Variants in ZBTB46 observed in about 807,000 individuals in gnomAD.
ZBTB46 encodes the protein zinc finger and BTB domain-containing protein 46.
In ZBTB46, 8 loss-of-function variants were observed where a neutral mutation model predicts 44.1. The observed-to-expected ratio is 0.18, with a 90% confidence interval of 0.11 to 0.33. The LOEUF is 0.33. ZBTB46 is among the 10% of genes least tolerant of loss of function. ZBTB46 has a pLI of 1.00. For missense variants in ZBTB46, 651 were observed against 847.7 expected, an observed-to-expected ratio of 0.77 and a Z score of 2.88; for synonymous variants, 409 against 382.3, an observed-to-expected ratio of 1.07 and a Z score of -0.81.
intron 1 of ZBTB46, among the ~76,000 whole-genome samples, chr20:63,791,420 C>T (rs1275612473): frequency 8.0e-5 from 11 of 136,672 alleles, no homozygotes; most frequent in African/African-American, 1.9e-4. Context: ...GGCGTGAACC[C>T]GGGAGGCGGA....
chr20:63,826,999 G>A (rs2092822933), intron 1 of ZBTB46, among the ~76,000 whole-genome samples: 1 of 152,144 alleles, frequency 6.6e-6, no homozygotes, highest in African/African-American at 2.4e-5. Flanking sequence ...CGTGCGGGTG[G>A]ATCTCCGAGT....
chr20:63,757,263 C>T (rs2092229012), intron 3 of ZBTB46, among the ~76,000 whole-genome samples: 1 of 152,170 alleles, frequency 6.6e-6, no homozygotes, highest in South Asian at 2.1e-4. Flanking sequence ...GCTGGGATTA[C>T]AGGCACTCAT....
At position 63,747,072 on chromosome 20, in the gene ZBTB46, C is replaced by G; in HGVS notation, c.1628G>C (p.Gly543Ala). 6.2e-7 allele frequency: 1 copy of G among 1,609,046 alleles called. No individual in the cohort carries two copies. The stretch of plus-strand genomic sequence containing the variant: ...GTCCTCGCCCAGCTCCTCCGCCTCC[C>G]CTCGTGGGTCCTCAGGGTCCTCCAG... ...PYLEDPEDPRGEAEELGEDDE... is the reference protein window; with the variant it reads ...PYLEDPEDPRAEAEELGEDDE... Residue 543 changes from glycine to alanine, a missense_variant, in exon 5 of 5, where the codon GGG becomes GCG. Transcript: ENST00000245663.
At chr20:63,793,288 G>A (rs1232796559) in intron 1 of ZBTB46, among the ~76,000 whole-genome samples, 1 of 152,156 alleles carries the variant, frequency 6.6e-6, no homozygotes, top group Non-Finnish European at 1.5e-5. Context: ...TGGGGAGGGG[G>A]TCATGTGCTG....
chr20:63,782,951 C>A (rs925212956), intron 2 of ZBTB46, among the ~76,000 whole-genome samples: 1 of 152,178 alleles, frequency 6.6e-6, no homozygotes, highest in Non-Finnish European at 1.5e-5. Context: ...ATAGTGAGAT[C>A]TACATCTCTA....
rs112934991 is a variant in ZBTB46, at chr20:63,827,024, C to T, written c.-34+4073G>A. ...GATCTCCGAGTGGACTCCCTTCCCT[C>T]GAGTCACCTTTGGGCTCCGGTGCCA... On this transcript the variant is annotated intron_variant, in intron 1 of 4. Coordinates refer to ENST00000245663, the MANE Select transcript of ZBTB46 (RefSeq NM_001369741.1). 7.3e-3 allele frequency among the ~76,000 whole-genome samples: 1,115 copies of T among 152,214 alleles called. 18 individuals are homozygous for T. The highest frequency in any genetic ancestry group is 0.025 in the African/African-American group (1,058 of 41,526).
chr20:63,825,545 T>C (rs953606303), intron 1 of ZBTB46, among the ~76,000 whole-genome samples: 3 of 151,868 alleles, frequency 2.0e-5, no homozygotes, highest in African/African-American at 7.3e-5. Flanking sequence ...TCTGGTTCTA[T>C]CCCTGCACTT....
At position 63,767,787 on chromosome 20, in the gene ZBTB46, C is replaced by T; in HGVS notation, c.1222+7891G>A. 1.0e-5 allele frequency: 8 copies of T among 795,548 alleles called. No individual in the cohort carries two copies. Among genetic ancestry groups the T allele is most frequent in the Non-Finnish European group, 1.2e-5 (8 of 656,298 alleles). 49.3% of individuals were successfully genotyped at this position (795,548 alleles called of 1,614,324 possible). ...GAGCTCCAGGCGAGGCCAAGCCGTC[C>T]TGGCACTGGCTGCCCCCAGGGCTGG... On this transcript the variant is annotated intron_variant, in intron 3 of 4. Transcript: ENST00000245663. This position sits in a 1 kb window ranked among gnomAD's most constrained non-coding sequence, Gnocchi z 5.0.
At chr20:63,780,656 G>A (rs1245504997) in intron 2 of ZBTB46, among the ~76,000 whole-genome samples, 1 of 151,140 alleles carries the variant, frequency 6.6e-6, no homozygotes, top group African/African-American at 2.4e-5. Context: ...CAAAAAATGA[G>A]CCGGGCGTGG....
intron 2 of ZBTB46, among the ~76,000 whole-genome samples, chr20:63,781,549 A>G: frequency 6.6e-6 from 1 of 152,214 alleles, no homozygotes; most frequent in Non-Finnish European, 1.5e-5. Context: ...CCAGCACTGT[A>G]GGAGGCCGAG....
chr20:63,793,055 T>C (rs1402539363), intron 1 of ZBTB46, among the ~76,000 whole-genome samples: 1 of 152,058 alleles, frequency 6.6e-6, no homozygotes, highest in East Asian at 1.9e-4. Context: ...ACGAGGGCTG[T>C]GACGGCGGTG....
intron 2 of ZBTB46, among the ~76,000 whole-genome samples, chr20:63,776,193 A>G (rs921281123): frequency 6.6e-6 from 1 of 152,176 alleles, no homozygotes; most frequent in Non-Finnish European, 1.5e-5. Flanking sequence ...GTCTCAGCCA[A>G]GGCTTTGGAG....
At chr20:63,779,140 G>A (rs999764691) in intron 2 of ZBTB46, among the ~76,000 whole-genome samples, 5 of 152,176 alleles carry the variant, frequency 3.3e-5, no homozygotes, top group South Asian at 2.1e-4. Flanking sequence ...GCAGCCACAC[G>A]GGGGCTGGGG....
At chr20:63,814,317 C>G (rs941883397) in intron 1 of ZBTB46, among the ~76,000 whole-genome samples, 11 of 151,870 alleles carry the variant, frequency 7.2e-5, no homozygotes, top group Non-Finnish European at 1.3e-4. Flanking sequence ...AAGACAAGAG[C>G]AGAGCACTGG....
rs769126075 is a variant in ZBTB46 at position 63,790,171 on chromosome 20, T to C, written c.587A>G (p.Tyr196Cys). Residue 196 changes from tyrosine to cysteine, a missense_variant, in exon 2 of 5, where the codon TAC (tyrosine) becomes TGC (cysteine). Around this residue, in one of 5 missense-constraint regions of ZBTB46, gnomAD observed 385 missense variants for 423.3 expected, o/e 0.91. Coordinates refer to ENST00000245663, the MANE Select transcript of ZBTB46 (RefSeq NM_001369741.1). ...CTTGGGCTCCTGATCCTCTTTCCCG[T>C]AGCTGCTCCCTCCGTCGTGACAGCT... is the stretch of plus-strand genomic sequence containing the variant. ...IASCHDGGSS[Y>C]GKEDQEPKAD... 1 of 1,613,784 alleles carries C rather than the reference T, an allele frequency of 6.2e-7. No individual in the cohort carries two copies. The highest frequency in any genetic ancestry group is 8.5e-7 in the Non-Finnish European group (1 of 1,179,998).
chr20:63,806,395 G>A (rs1470908025), intron 1 of ZBTB46, among the ~76,000 whole-genome samples: 2 of 124,240 alleles, frequency 1.6e-5, no homozygotes, highest in Admixed American at 9.3e-5. Context: ...CAACAACAGT[G>A]AAACTCCATC....
intron 1 of ZBTB46, among the ~76,000 whole-genome samples, chr20:63,808,439 G>C (rs1284106202): frequency 2.6e-5 from 4 of 152,154 alleles, no homozygotes; most frequent in African/African-American, 9.7e-5. Context: ...TCACGGACAG[G>C]GTCATCCGGA....
At chr20:63,807,622 G>A (rs991511983) in intron 1 of ZBTB46, among the ~76,000 whole-genome samples, 1 of 152,248 alleles carries the variant, frequency 6.6e-6, no homozygotes, top group Non-Finnish European at 1.5e-5. Context: ...TGGGACTACA[G>A]GTGTGAGCCA....
In ZBTB46 at chr20:63,745,760, G is replaced by A. The variant is rs551948822; in HGVS notation, c.*1170C>T. 19 of 152,418 alleles carry A rather than the reference G, an allele frequency of 1.2e-4. No individual in the cohort carries two copies. The highest frequency in any genetic ancestry group is 2.9e-4 in the African/African-American group (12 of 41,576). The allele number at this position is 152,418 out of a possible 1,614,324, so 9.4% of individuals were successfully genotyped here. ...CTGTGAGTCTAGGCAGCCTGCCTCCGGGACCCCCAAAGCCAGGCGGTGCAC... is the reference window on the plus strand; with the variant it reads ...CTGTGAGTCTAGGCAGCCTGCCTCCAGGACCCCCAAAGCCAGGCGGTGCAC... On this transcript the variant is annotated 3_prime_UTR_variant, in exon 5 of 5. Transcript: ENST00000245663.
Sources: gnomAD v4.1 joint callset for allele counts (sites outside exome capture counted in the v4.1 genomes callset) on GRCh38, gnomAD v4.1.1 for gene constraint, gnomAD v4.1.1 regional missense constraint, Gnocchi (gnomAD v3.1) non-coding constraint, MANE v1.5 for transcripts, NCBI Gene and HGNC (gene_info 2026-07-23, HGNC 2026-07-21) for gene names.